The following ZNF292 variants were observed in gnomAD, a reference collection of about 807,000 sequenced individuals.
ZNF292 encodes the protein zinc finger protein 292, also known as 16 zinc-finger domain protein.
In ZNF292, 26 loss-of-function variants were observed where a neutral mutation model predicts 217.9. The ratio of observed to expected loss-of-function variants is 0.12; its 90% CI spans 0.09 to 0.17. ZNF292 has a LOEUF of 0.17. Ranked by LOEUF, ZNF292 falls within the 10% of genes least tolerant of loss-of-function variation. ZNF292 has a pLI of 1.00. For missense variants in ZNF292, 2,904 were observed against 3,175.2 expected (o/e 0.91, Z 2.05); for synonymous variants, 1,257 against 1,124.1 (o/e 1.12, Z -2.37).
At chr6:87,193,720 A>G (rs1183249313) in intron 1 of ZNF292, among the ~76,000 whole-genome samples, 1 of 152,210 alleles carries the variant, frequency 6.6e-6, no homozygotes, top group Non-Finnish European at 1.5e-5. Context: ...TTTCATGCAC[A>G]AAGTTATTTA....
At chr6:87,174,936 A>G (rs1297908056) in intron 1 of ZNF292, among the ~76,000 whole-genome samples, 2 of 152,228 alleles carry the variant, frequency 1.3e-5, no homozygotes, top group Non-Finnish European at 2.9e-5. Context: ...TCGTCATCTC[A>G]GATTTTCTCT....
intron 1 of ZNF292, among the ~76,000 whole-genome samples, chr6:87,157,799 C>T (rs1371309956): frequency 6.6e-6 from 1 of 152,176 alleles, no homozygotes; most frequent in East Asian, 1.9e-4. Context: ...AGCGATTTTC[C>T]TGCCTCAGCT....
At chr6:87,206,351 ACT>A (rs1362489794) in intron 1 of ZNF292, among the ~76,000 whole-genome samples, 1 of 151,986 alleles carries the variant, frequency 6.6e-6, no homozygotes, top group African/African-American at 2.4e-5. Flanking sequence ...TGCTTTTCAA[ACT>A]CTTCATAACA....
At chr6:87,209,705 G>A (rs963540921) in intron 1 of ZNF292, among the ~76,000 whole-genome samples, 23 of 152,070 alleles carry the variant, frequency 1.5e-4, no homozygotes, top group African/African-American at 5.6e-4. Context: ...TTCAGAAAAT[G>A]CATTTTTATT....
chr6:87,187,864 T>C lies in ZNF292; in HGVS notation c.169-28039T>C, dbSNP rs142889280. ...TGTAGACCCCAGGCATGTAAATTAA[T>C]GACTTGGATAGAGAAAGGACAGTGG... On this transcript the variant is annotated intron_variant, in intron 1 of 7. Coordinates refer to ENST00000369577, the MANE Select transcript of ZNF292 (RefSeq NM_015021.3). 2.7e-4 allele frequency among the ~76,000 whole-genome samples: 41 copies of C among 152,274 alleles called. 1 individual carries two copies. The East Asian group carries it at 7.7e-3, about 29-fold the overall frequency.
intron 1 of ZNF292, among the ~76,000 whole-genome samples, chr6:87,208,802 T>G (rs971692588): frequency 6.6e-6 from 1 of 152,206 alleles, no homozygotes; most frequent in African/African-American, 2.4e-5. Flanking sequence ...GTCAGAATAT[T>G]GGGTCTTTTC....
Position 87,255,600 on chromosome 6 carries a change from G to T in ZNF292, c.1971G>T (p.Glu657Asp), listed in dbSNP as rs887582267. ...VFNDNDGSDDENDDKDKSYEP... is the reference protein window; with the variant it reads ...VFNDNDGSDDDNDDKDKSYEP... ...ATGACAATGATGGTTCAGATGATGA[G>T]AATGATGACAAAGATAAATCCTATG... Residue 657 changes from glutamate to aspartate, a missense_variant, in exon 8 of 8, where the codon GAG becomes GAT. Coordinates refer to ENST00000369577, the MANE Select transcript of ZNF292 (RefSeq NM_015021.3). 19 of 1,611,456 alleles carry T rather than the reference G, an allele frequency of 1.2e-5. No individual in the cohort carries two copies. Among genetic ancestry groups the T allele is most frequent in the Non-Finnish European group, 1.4e-5 (17 of 1,178,624 alleles).
At chr6:87,188,799 TA>T (rs975498498) in intron 1 of ZNF292, among the ~76,000 whole-genome samples, 54 of 151,096 alleles carry the variant, frequency 3.6e-4, no homozygotes, top group Admixed American at 6.6e-4. Flanking sequence ...AACTGTTTAA[TA>T]AAAAAAATTA....
intron 1 of ZNF292, among the ~76,000 whole-genome samples, chr6:87,162,101 GCAA>G (rs1398248725): frequency 1.3e-5 from 2 of 152,162 alleles, no homozygotes; most frequent in Admixed American, 1.3e-4. Flanking sequence ...TTTATGTATA[GCAA>G]CTTAAAGAGT....
chr6:87,256,623 C>T lies in ZNF292; in HGVS notation c.2994C>T (p.Ala998=). The T allele has an allele frequency of 6.2e-7, 1 of 1,613,554 alleles. No individual in the cohort carries two copies. The highest frequency in any genetic ancestry group is 8.5e-7 in the Non-Finnish European group (1 of 1,179,820). The part of the protein sequence containing the change: ...ERKEQDCFND[A]HVTQNSLVNS... Reference sequence around the variant, plus strand: ...AAGAACAAGATTGCTTTAATGATGCCCATGTTACTCAGAATTCTTTAGTAA... The same window carrying T: ...AAGAACAAGATTGCTTTAATGATGCTCATGTTACTCAGAATTCTTTAGTAA... The change falls in exon 8 of 8, where the codon GCC becomes GCT. Residue 998 remains alanine (A), a synonymous_variant. Transcript: ENST00000369577.
At chr6:87,211,986 A>G (rs1448326176) in intron 1 of ZNF292, among the ~76,000 whole-genome samples, 1 of 152,184 alleles carries the variant, frequency 6.6e-6, no homozygotes, top group Non-Finnish European at 1.5e-5. Flanking sequence ...TGGGGAAAAA[A>G]GTGTAGGACT....
chr6:87,241,798 G>A lies in ZNF292; in HGVS notation c.742-1677G>A, dbSNP rs116081665. On this transcript the variant is annotated intron_variant, in intron 5 of 7. Transcript: ENST00000369577. ...CTTAACTAGCACATTCATACAGGTGGTCCCCCAATTTATGATCGTTCAGCT... is the reference window on the plus strand; with the variant it reads ...CTTAACTAGCACATTCATACAGGTGATCCCCCAATTTATGATCGTTCAGCT... Among the ~76,000 whole-genome samples the A allele has an allele frequency of 2.2e-3, 330 of 152,272 alleles. 4 individuals are homozygous for A. Among genetic ancestry groups the A allele is most frequent in the African/African-American group, 7.7e-3 (319 of 41,562 alleles).
chr6:87,166,532 T>G (rs912240728), intron 1 of ZNF292, among the ~76,000 whole-genome samples: 1 of 152,218 alleles, frequency 6.6e-6, no homozygotes, highest in Non-Finnish European at 1.5e-5. Flanking sequence ...AAGTAGTTTT[T>G]GAATCATTCT....
Position 87,256,932 on chromosome 6 carries a change from G to A in ZNF292, c.3303G>A (p.Gln1101=). The change falls in exon 8 of 8, where the codon CAG becomes CAA. Residue 1101 remains glutamine (Q), a synonymous_variant. Coordinates refer to ENST00000369577, the MANE Select transcript of ZNF292 (RefSeq NM_015021.3). ...CTCCAGTTCAGAAATTCAGCTGCCA[G>A]GTCGAGGGATGTACTCGAACCTATA... is the stretch of plus-strand genomic sequence containing the variant. ...PKAPVQKFSC[Q]VEGCTRTYNS... is the part of the protein sequence containing the mutation. The A allele has an allele frequency of 6.2e-7, 1 of 1,613,828 alleles. No individual in the cohort carries two copies. Among genetic ancestry groups the A allele is most frequent in the Non-Finnish European group, 8.5e-7 (1 of 1,179,840 alleles).
At position 87,256,340 on chromosome 6, in the gene ZNF292, A is replaced by C. The variant is rs1775209918; in HGVS notation, c.2711A>C (p.Gln904Pro). The C allele has an allele frequency of 6.2e-7, 1 of 1,612,512 alleles. No homozygotes were observed. The highest frequency in any genetic ancestry group is 8.5e-7 in the Non-Finnish European group (1 of 1,179,842). The change falls in exon 8 of 8, where the codon CAG becomes CCG. Residue 904 changes from glutamine to proline, a missense_variant. Around this residue, in one of 15 missense-constraint regions of ZNF292, gnomAD observed 687 missense variants for 623.0 expected, o/e 1.10. Transcript: ENST00000369577. ...GAATCAGCTGTGACCAAACAAGACC[A>C]GATTTCTGCCTCTGAGCTCAGGCAA... ...KAESAVTKQD[Q>P]ISASELRQAN...
chr6:87,230,046 A>T (rs189972263), intron 4 of ZNF292, among the ~76,000 whole-genome samples: 158 of 152,308 alleles, frequency 1.0e-3, no homozygotes, highest in Non-Finnish European at 2.0e-3. Flanking sequence ...ATTGGAAGTG[A>T]CACAACTAGG....
At chr6:87,175,917 C>G (rs954518154) in intron 1 of ZNF292, among the ~76,000 whole-genome samples, 2 of 152,152 alleles carry the variant, frequency 1.3e-5, no homozygotes, top group African/African-American at 4.8e-5. Flanking sequence ...GTGACCCCAC[C>G]TAGACTTACC....
chr6:87,180,417 G>T (rs1771439140), intron 1 of ZNF292, among the ~76,000 whole-genome samples: 1 of 133,982 alleles, frequency 7.5e-6, no homozygotes, highest in Non-Finnish European at 1.6e-5. Flanking sequence ...TCTGCCCCAA[G>T]TATGTGCCAA....
intron 1 of ZNF292, among the ~76,000 whole-genome samples, chr6:87,177,015 C>CCA (rs1289819265): frequency 3.5e-4 from 54 of 152,188 alleles, no homozygotes; most frequent in African/African-American, 1.1e-3. Flanking sequence ...CCACTCCTCC[C>CCA]CACAGACACA....
Sources: allele counts gnomAD v4.1 joint callset (sites outside exome capture counted in the v4.1 genomes callset), GRCh38; gene constraint gnomAD v4.1.1; regional missense constraint gnomAD v4.1.1; transcripts MANE v1.5; gene names NCBI Gene and HGNC (gene_info 2026-07-23, HGNC 2026-07-21).